The following UROC1 variants were observed in gnomAD, a reference collection of about 807,000 sequenced individuals.
UROC1 encodes urocanate hydratase 1.
UROC1 carries 79 observed loss-of-function variants against 89.5 expected under a neutral mutation model. The ratio of observed to expected loss-of-function variants is 0.88; its 90% CI spans 0.74 to 1.06. The LOEUF is 1.06. Among genes scored for constraint, UROC1 ranks in the 50% least tolerant of loss-of-function variants. The pLI is 0.00. For missense variants in UROC1, 885 were observed against 907.8 expected, an observed-to-expected ratio of 0.97 and a Z score of 0.32; for synonymous variants, 361 against 354.8, an observed-to-expected ratio of 1.02 and a Z score of -0.20.
At chr3:126,492,761 C>T (rs1215010095) in intron 15 of UROC1, among the ~76,000 whole-genome samples, 1 of 152,164 alleles carries the variant, frequency 6.6e-6, no homozygotes, top group African/African-American at 2.4e-5. Context: ...TAGTCTGGGC[C>T]TCCAGACACC....
chr3:126,511,628 T>C (rs1325791572), intron 1 of UROC1, among the ~76,000 whole-genome samples: 1 of 152,246 alleles, frequency 6.6e-6, no homozygotes, highest in Non-Finnish European at 1.5e-5. Flanking sequence ...AAAGGTTCTG[T>C]GAAAATTAGT....
chr3:126,502,264 C>CATGT (rs1935943131), intron 9 of UROC1, among the ~76,000 whole-genome samples: 1 of 147,466 alleles, frequency 6.8e-6, no homozygotes, highest in African/African-American at 2.5e-5. Context: ...TGTGTGTGTG[C>CATGT]GCCTGTGTGT....
At position 126,498,136 on chromosome 3, in the gene UROC1, C is replaced by A. The variant is rs754051123; in HGVS notation, c.1353G>T (p.Trp451Cys). Residue 451 changes from tryptophan to cysteine, a missense_variant, in exon 14 of 20, where the codon TGG becomes TGT. Coordinates refer to ENST00000290868, the MANE Select transcript of UROC1 (RefSeq NM_144639.3). The part of the protein sequence containing the change: ...IFSQGFGPFR[W>C]VCTSGDPQDL... ...CCTGGGGGTCCCCCGATGTGCACAC[C>A]CAGCGGAAAGGCCCAAATCCCTGGG... 2.5e-6 allele frequency: 4 copies of A among 1,614,068 alleles called. No individual in the cohort carries two copies. The South Asian group carries it at 3.3e-5, about 13-fold the overall frequency.
intron 9 of UROC1, among the ~76,000 whole-genome samples, chr3:126,503,450 C>A (rs1436277651): frequency 6.6e-6 from 1 of 152,216 alleles, no homozygotes; most frequent in Admixed American, 6.5e-5. Context: ...CACTGAAATA[C>A]CTCTGAAGAC....
rs369354035 is a variant in UROC1, at chr3:126,501,231, C to T, written c.952G>A (p.Val318Met). The change falls in exon 10 of 20, where the codon GTG (valine) becomes ATG (methionine). Residue 318 changes from valine to methionine, a missense_variant. Coordinates refer to ENST00000290868, the MANE Select transcript of UROC1 (RefSeq NM_144639.3). Reference protein sequence around the residue: ...EVLSLGYHGNVVALWERLVHE... With the variant: ...EVLSLGYHGNMVALWERLVHE... ...ACCCCCACTCACCAAAGAGCCACCA[C>T]GTTGCCATGGTAACCAAGGCTGAGC... 44 of 1,614,052 alleles carry T rather than the reference C, an allele frequency of 2.7e-5. No homozygotes were observed. The highest frequency in any genetic ancestry group is 9.3e-5 in the African/African-American group (7 of 74,938).
Position 126,504,100 on chromosome 3 carries a change from TG to T in UROC1, c.814-18del, listed in dbSNP as rs748130410. 6.2e-7 allele frequency: 1 copy of T among 1,611,858 alleles called. No homozygotes were observed. Among genetic ancestry groups the T allele is most frequent in the Non-Finnish European group, 8.5e-7 (1 of 1,179,856 alleles). On this transcript the variant is annotated intron_variant, in intron 8 of 19. Coordinates refer to ENST00000290868, the MANE Select transcript of UROC1 (RefSeq NM_144639.3). ...TTTATCCACCTGGGGCCATGAGACATGGGGCCACGAGACATGGGGCCACCCG... is the reference window on the plus strand; with the variant it reads ...TTTATCCACCTGGGGCCATGAGACATGGGCCACGAGACATGGGGCCACCCG...
intron 1 of UROC1, among the ~76,000 whole-genome samples, chr3:126,512,331 T>A (rs1936212710): frequency 6.6e-6 from 1 of 152,268 alleles, no homozygotes; most frequent in Non-Finnish European, 1.5e-5. Flanking sequence ...CACAGCTTCC[T>A]GATGACCACG....
chr3:126,506,076 A>T (rs957214836), intron 6 of UROC1, 65 bp from the exon 7 acceptor site: 4 of 1,592,002 alleles, frequency 2.5e-6, no homozygotes, highest in Middle Eastern at 1.7e-4. Context: ...CCTCCCAGCC[A>T]CTCCTTTTAG....
Position 126,499,237 on chromosome 3 carries a change from G to A in UROC1, c.1316+100C>T. The A allele has an allele frequency of 3.0e-6, 4 of 1,349,462 alleles. No homozygotes were observed. The South Asian group carries it at 4.9e-5, about 17-fold the overall frequency. The allele number at this position is 1,349,462 out of a possible 1,614,324, so 83.6% of individuals were successfully genotyped here. A position where few individuals can be genotyped will look rare whatever the true frequency, so the allele number is the denominator to read the frequency against. ...CAGCGCATGACCTCAGGGGCGGTCA[G>A]AGGCTGAAGCTTCTCCAACCTAAAT... On this transcript the variant is annotated intron_variant, in intron 13 of 19. Coordinates refer to ENST00000290868, the MANE Select transcript of UROC1 (RefSeq NM_144639.3).
chr3:126,483,762 C>T (rs764599876), intron 18 of UROC1, among the ~76,000 whole-genome samples: 4 of 152,234 alleles, frequency 2.6e-5, no homozygotes, highest in Non-Finnish European at 4.4e-5. Context: ...CTCCTGGGTA[C>T]CCCCAGTGGG....
chr3:126,488,940 T>C (rs1402539373), intron 17 of UROC1, among the ~76,000 whole-genome samples: 1 of 152,074 alleles, frequency 6.6e-6, no homozygotes, highest in Non-Finnish European at 1.5e-5. Context: ...CCCCCTCCTC[T>C]TGGTGCTCAG....
rs372654358 is a variant in UROC1, at chr3:126,496,236, G to GCCCAC, written c.1439-133_1439-129dup. ...CTGAGCTAGGACACAAGGTGAGGGA[G>GCCCAC]CCCACCCCACCCCACCCCTGCCTTT... On this transcript the variant is annotated intron_variant, in intron 14 of 19. Transcript: ENST00000290868. 87 of 886,130 alleles carry GCCCAC rather than the reference G, an allele frequency of 9.8e-5. 1 individual carries two copies. Among genetic ancestry groups the GCCCAC allele is most frequent in the South Asian group, 4.6e-4 (32 of 69,208 alleles). The allele number at this position is 886,130 out of a possible 1,614,324, so 54.9% of individuals were successfully genotyped here.
intron 16 of UROC1, among the ~76,000 whole-genome samples, chr3:126,490,484 G>A (rs539634451): frequency 2.6e-5 from 4 of 152,112 alleles, no homozygotes; most frequent in Admixed American, 6.5e-5. Flanking sequence ...TCAGGAGTTC[G>A]AGACCAGCCT....
rs1336026761 is a variant in UROC1 at position 126,482,240 on chromosome 3, G to A, written c.*105C>T. The A allele has an allele frequency of 6.5e-6, 10 of 1,527,624 alleles. No individual in the cohort carries two copies. Among genetic ancestry groups the A allele is most frequent in the South Asian group, 4.8e-5 (4 of 82,990 alleles). 94.6% of individuals were successfully genotyped at this position (1,527,624 alleles called of 1,614,324 possible). On this transcript the variant is annotated 3_prime_UTR_variant, in exon 20 of 20. Coordinates refer to ENST00000290868, the MANE Select transcript of UROC1 (RefSeq NM_144639.3). ...CCATAAGGGCCACGTGAGGATGTGC[G>A]AGAAGTGCAGGTAGTGCGGGTGTGC...
chr3:126,486,323 G>A (rs1254993192), intron 18 of UROC1, among the ~76,000 whole-genome samples: 3 of 152,256 alleles, frequency 2.0e-5, no homozygotes, highest in East Asian at 3.8e-4. Context: ...AATAGGGAAA[G>A]GAGATCAGAA....
chr3:126,507,887 G>A, intron 5 of UROC1, 80 bp downstream of exon 5: 1 of 1,612,706 alleles, frequency 6.2e-7, no homozygotes, highest in Non-Finnish European at 8.5e-7. Flanking sequence ...ACAGCGTTGG[G>A]GCACTGGGCT....
chr3:126,482,255 T>C lies in UROC1; in HGVS notation c.*90A>G, dbSNP rs1935405111. On this transcript the variant is annotated 3_prime_UTR_variant, in exon 20 of 20. Transcript: ENST00000290868. ...GAGGATGTGCGAGAAGTGCAGGTAGTGCGGGTGTGCAGGAAGGGTGTGTGC... is the reference window on the plus strand; with the variant it reads ...GAGGATGTGCGAGAAGTGCAGGTAGCGCGGGTGTGCAGGAAGGGTGTGTGC... 5.1e-6 allele frequency: 8 copies of C among 1,567,386 alleles called. No individual in the cohort carries two copies. Among genetic ancestry groups the C allele is most frequent in the African/African-American group, 1.3e-5 (1 of 74,272 alleles).
At chr3:126,505,082 C>T (rs1936022636) in intron 8 of UROC1, among the ~76,000 whole-genome samples, 1 of 152,134 alleles carries the variant, frequency 6.6e-6, no homozygotes, top group Admixed American at 6.5e-5. Context: ...ACCGTGTGAC[C>T]CACCAGACCC....
chr3:126,514,957 C>T (rs1404898662), intron 1 of UROC1, among the ~76,000 whole-genome samples: 1 of 151,932 alleles, frequency 6.6e-6, no homozygotes, highest in East Asian at 1.9e-4. Context: ...TGTTAAAGAT[C>T]AACGAAACAC....
Sources: gnomAD v4.1 joint callset for allele counts (sites outside exome capture counted in the v4.1 genomes callset) on GRCh38, gnomAD v4.1.1 for gene constraint, MANE v1.5 for transcripts, NCBI Gene and HGNC (gene_info 2026-07-23, HGNC 2026-07-21) for gene names.